The following ULK2 variants were observed in gnomAD, a reference collection of about 807,000 sequenced individuals.
ULK2 encodes unc-51 like autophagy activating kinase 2, also known as serine/threonine-protein kinase ULK2.
A neutral mutation model predicts 127.5 loss-of-function variants in ULK2; 76 were observed. The observed-to-expected ratio is 0.60, with a 90% CI of 0.50 to 0.72. ULK2 has a LOEUF of 0.72. Among genes scored for constraint, ULK2 ranks in the 30% least tolerant of loss-of-function variants. The probability of loss-of-function intolerance (pLI) is 0.00; values close to 1 mark genes in which losing one functional copy is unlikely to be tolerated. For synonymous variants in ULK2, 452 were observed against 461.9 expected (o/e 0.98, Z 0.28); for missense variants, 1,144 against 1,295.9 (o/e 0.88, Z 1.80).
intron 10 of ULK2, among the ~76,000 whole-genome samples, chr17:19,832,300 A>C (rs192817466): frequency 5.3e-5 from 8 of 149,656 alleles, no homozygotes; most frequent in Admixed American, 2.7e-4. Context: ...ACAGGGTCTC[A>C]TTCTGTCACC....
chr17:19,809,147 T>C (rs971630552), intron 14 of ULK2, among the ~76,000 whole-genome samples: 3 of 152,216 alleles, frequency 2.0e-5, no homozygotes, highest in South Asian at 2.1e-4. Context: ...ACAGTCATTA[T>C]GCTAAGTGAA....
Position 19,804,625 on chromosome 17 carries a change from C to A in ULK2, c.1295+68G>T, listed in dbSNP as rs2087473613. 3 of 1,511,270 alleles carry A rather than the reference C, an allele frequency of 2.0e-6. No homozygotes were observed. In the South Asian group the frequency reaches 4.1e-5, roughly 21 times the overall value. 93.6% of individuals were successfully genotyped at this position (1,511,270 alleles called of 1,614,324 possible). A position where few individuals can be genotyped will look rare whatever the true frequency, so the allele number is the denominator to read the frequency against. On this transcript the variant is annotated intron_variant, in intron 15 of 26. Coordinates refer to ENST00000395544, the MANE Select transcript of ULK2 (RefSeq NM_014683.4). ...TATGCCACAGAAAGTAACATATCTT[C>A]CAATATCAATAAATTTTTTTTAAAG...
At chr17:19,831,250 T>C (rs921229834) in intron 10 of ULK2, among the ~76,000 whole-genome samples, 4 of 151,412 alleles carry the variant, frequency 2.6e-5, no homozygotes, top group African/African-American at 4.9e-5. Flanking sequence ...ATAGAGGAAA[T>C]CCGCCCCCAT....
chr17:19,778,471 A>C (rs2086853575), intron 25 of ULK2, among the ~76,000 whole-genome samples: 1 of 152,220 alleles, frequency 6.6e-6, no homozygotes, highest in African/African-American at 2.4e-5. Flanking sequence ...CTCTCCAGAA[A>C]GAGGGGATGG....
Position 19,787,817 on chromosome 17 carries a change from T to C in ULK2, c.2102-1731A>G, listed in dbSNP as rs113435313. On this transcript the variant is annotated intron_variant, in intron 20 of 26. Coordinates refer to ENST00000395544, the MANE Select transcript of ULK2 (RefSeq NM_014683.4). ...TCACTGAAAGAGGCACTGAAGAGGG[T>C]AGGAAAGGCAGTCTTGAATCACCAG... 1.6e-3 allele frequency among the ~76,000 whole-genome samples: 240 copies of C among 152,158 alleles called. 1 individual carries two copies. Among genetic ancestry groups the C allele is most frequent in the African/African-American group, 5.5e-3 (229 of 41,514 alleles).
intron 12 of ULK2, among the ~76,000 whole-genome samples, chr17:19,817,563 G>A (rs2041022540): frequency 6.6e-6 from 1 of 152,152 alleles, no homozygotes; most frequent in South Asian, 2.1e-4. Flanking sequence ...AGAAAAGCAT[G>A]TAAATATATT....
At position 19,857,033 on chromosome 17, in the gene ULK2, C is replaced by T. The variant is rs1419716506; in HGVS notation, c.226-7259G>A. Among the ~76,000 whole-genome samples, 8 of 146,426 alleles carry T rather than the reference C, an allele frequency of 5.5e-5. No homozygotes were observed. The East Asian group carries it at 1.0e-3, about 18-fold the overall frequency. ...TTTTAAAATTTTTTATAGCCAGGCA[C>T]GGTGGCTCACACCTGTAATCCCAAC... On this transcript the variant is annotated intron_variant, in intron 3 of 26. Transcript: ENST00000395544.
chr17:19,847,001 G>T, intron 5 of ULK2, 91 bp from the exon 6 acceptor site: 1 of 1,225,368 alleles, frequency 8.2e-7, no homozygotes, highest in Non-Finnish European at 1.1e-6. Flanking sequence ...GTGAAGGAGA[G>T]CATGAAGGGA....
chr17:19,802,871 T>C (rs185135701), intron 15 of ULK2, among the ~76,000 whole-genome samples: 122 of 152,352 alleles, frequency 8.0e-4, no homozygotes, highest in Middle Eastern at 3.4e-3. Context: ...CATTCAGTAA[T>C]CTGGAAAACA....
chr17:19,821,922 G>C (rs1447810172), intron 12 of ULK2, among the ~76,000 whole-genome samples: 2 of 151,524 alleles, frequency 1.3e-5, no homozygotes, highest in Non-Finnish European at 2.9e-5. Context: ...CTGGGCTCAA[G>C]CAATCCTCCC....
At chr17:19,840,265 A>C (rs1195483001) in intron 9 of ULK2, 2 of 522,382 alleles carry the variant, frequency 3.8e-6, no homozygotes. Flanking sequence ...AAATGAGAGT[A>C]CCTGCTTCAG....
intron 20 of ULK2, among the ~76,000 whole-genome samples, chr17:19,789,355 GCAAGAACTA>G (rs1019021415): frequency 2.7e-4 from 41 of 152,252 alleles, no homozygotes; most frequent in African/African-American, 9.6e-4. Flanking sequence ...CAATGAGTCT[GCAAGAACTA>G]CAGCATTATT....
At chr17:19,862,617 C>G (rs1458792196) in intron 3 of ULK2, among the ~76,000 whole-genome samples, 1 of 151,922 alleles carries the variant, frequency 6.6e-6, no homozygotes, top group Non-Finnish European at 1.5e-5. Flanking sequence ...AGGCACCCAC[C>G]ACCATGCCTG....
intron 15 of ULK2, 102 bp downstream of exon 15, chr17:19,804,591 G>A: frequency 1.5e-6 from 2 of 1,318,506 alleles, no homozygotes; most frequent in Non-Finnish European, 2.0e-6. Context: ...ATACACACAT[G>A]TAAGACACTA....
chr17:19,857,098 G>A (rs1490256746), intron 3 of ULK2, among the ~76,000 whole-genome samples: 1 of 151,810 alleles, frequency 6.6e-6, no homozygotes, highest in African/African-American at 2.4e-5. Context: ...CTGAGGTCGG[G>A]AGTTCGAGAC....
rs566564109 is a variant in ULK2 at position 19,854,024 on chromosome 17, C to T, written c.226-4250G>A. On this transcript the variant is annotated intron_variant, in intron 3 of 26. Transcript: ENST00000395544. Reference sequence around the variant, plus strand: ...CATATGAAAGCCAATTCTGGCCAGGCACAGTGGCTCACACCTGTAATCCCT... The same window carrying T: ...CATATGAAAGCCAATTCTGGCCAGGTACAGTGGCTCACACCTGTAATCCCT... 3.5e-4 allele frequency among the ~76,000 whole-genome samples: 53 copies of T among 152,188 alleles called. 2 individuals carry two copies. In the South Asian group the frequency reaches 0.011, roughly 32 times the overall value.
In ULK2 at chr17:19,777,574, A is replaced by C. The variant is rs1258978958; in HGVS notation, c.3052+7T>G. ...AAAAAAATACACTACTTTGTAAGTC[A>C]ACTTACATTTATGCACATTTTCAAT... On this transcript the variant is annotated splice_region_variant and intron_variant, in intron 26 of 26. Coordinates refer to ENST00000395544, the MANE Select transcript of ULK2 (RefSeq NM_014683.4). 2.5e-6 allele frequency: 4 copies of C among 1,596,302 alleles called. No homozygotes were observed. In the Admixed American group the frequency reaches 5.5e-5, roughly 22 times the overall value.
At chr17:19,825,767 A>C (rs2041273906) in intron 11 of ULK2, among the ~76,000 whole-genome samples, 1 of 151,494 alleles carries the variant, frequency 6.6e-6, no homozygotes, top group Admixed American at 6.6e-5. Context: ...CGGGTGGATC[A>C]CCTGAGGTCC....
At chr17:19,827,470 G>A (rs1276835663) in intron 10 of ULK2, among the ~76,000 whole-genome samples, 3 of 152,160 alleles carry the variant, frequency 2.0e-5, no homozygotes, top group African/African-American at 7.2e-5. Context: ...ATCTCTGTTA[G>A]TATTACAACT....
Sources: allele counts gnomAD v4.1 joint callset (sites outside exome capture counted in the v4.1 genomes callset), GRCh38; gene constraint gnomAD v4.1.1; transcripts MANE v1.5; gene names NCBI Gene and HGNC (gene_info 2026-07-23, HGNC 2026-07-21).